The following PHKB variants were observed in gnomAD, a reference collection of about 807,000 sequenced individuals.
PHKB encodes the protein phosphorylase kinase regulatory subunit beta, also known as phosphorylase b kinase regulatory subunit beta.
Under a neutral mutation model 152.1 loss-of-function variants are expected in PHKB, and 122 were observed. The ratio of observed to expected loss-of-function variants is 0.80; its 90% CI spans 0.69 to 0.93. The LOEUF is 0.93. Among genes scored for constraint, PHKB ranks in the 40% least tolerant of loss-of-function variants. PHKB has a pLI of 0.00. For missense variants in PHKB, 1,304 were observed against 1,328.4 expected (o/e 0.98, Z 0.29); for synonymous variants, 436 against 464.9 (o/e 0.94, Z 0.80).
Position 47,589,011 on chromosome 16 carries a change from G to A in PHKB, c.977G>A (p.Gly326Glu). The change falls in exon 10 of 31, where the codon GGA (glycine) becomes GAA (glutamate). Residue 326 changes from glycine to glutamate, a missense_variant. Physicochemically the swap from Gly to Glu is moderately conservative, Grantham distance 98. Coordinates refer to ENST00000323584, the MANE Select transcript of PHKB (RefSeq NM_000293.3). The stretch of plus-strand genomic sequence containing the variant: ...GATAAAGTGGTTAGAAAATTAAAAG[G>A]AAAATATGGATTTAAACGTTTCTTG... ...TLDKVVRKLK[G>E]KYGFKRFLRD... 6.2e-7 allele frequency: 1 copy of A among 1,613,760 alleles called. No homozygotes were observed. The highest frequency in any genetic ancestry group is 1.1e-5 in the South Asian group (1 of 91,072).
intron 25 of PHKB, chr16:47,665,935 C>G: frequency 6.2e-7 from 1 of 1,607,008 alleles, no homozygotes; most frequent in East Asian, 2.2e-5. Context: ...CTCTTCTTTG[C>G]CCCCAGGTCG....
chr16:47,634,721 A>G (rs1212855419), intron 14 of PHKB, among the ~76,000 whole-genome samples: 1 of 152,176 alleles, frequency 6.6e-6, no homozygotes, highest in Admixed American at 6.5e-5. Context: ...ATGGGAATAT[A>G]GTTGGTATGT....
At chr16:47,597,651 A>G (rs1293618698) in intron 13 of PHKB, among the ~76,000 whole-genome samples, 1 of 149,390 alleles carries the variant, frequency 6.7e-6, no homozygotes, top group Admixed American at 6.6e-5. Context: ...GGAAAGACAC[A>G]TGAAATAGTT....
At chr16:47,655,289 A>G (rs1048385128) in intron 20 of PHKB, among the ~76,000 whole-genome samples, 6 of 152,212 alleles carry the variant, frequency 3.9e-5, no homozygotes, top group African/African-American at 1.2e-4. Context: ...GTACACCAAA[A>G]TACATTTCAG....
chr16:47,559,643 TA>T (rs1330340831), intron 7 of PHKB, among the ~76,000 whole-genome samples: 13 of 152,120 alleles, frequency 8.5e-5, no homozygotes, highest in African/African-American at 2.9e-4. Flanking sequence ...ATAGGCTTCC[TA>T]ACAGCATGGT....
chr16:47,515,426 A>G, intron 5 of PHKB, 95 bp from the exon 6 acceptor site: 5 of 731,344 alleles, frequency 6.8e-6, no homozygotes, highest in Non-Finnish European at 1.3e-5. Context: ...TGACACTATT[A>G]GAGCAAATGA....
chr16:47,600,121 G>A (rs1972195794), intron 13 of PHKB, among the ~76,000 whole-genome samples: 1 of 152,102 alleles, frequency 6.6e-6, no homozygotes, highest in African/African-American at 2.4e-5. Flanking sequence ...GTATCTCAGT[G>A]AAGTCTAATA....
intron 8 of PHKB, 94 bp from the exon 9 acceptor site, chr16:47,587,574 T>C (rs1167539034): frequency 3.7e-6 from 3 of 817,818 alleles, no homozygotes; most frequent in East Asian, 5.1e-5. Context: ...GCAGACAATG[T>C]CAGTATTTTT....
At chr16:47,641,494 A>C (rs1166192822) in intron 15 of PHKB, 105 bp from the exon 16 acceptor site, 4 of 712,848 alleles carry the variant, frequency 5.6e-6, no homozygotes, top group Non-Finnish European at 1.0e-5. Context: ...CAAATTAATA[A>C]TGCCCTCCAA....
At chr16:47,684,148 C>T (rs1008586230) in intron 26 of PHKB, among the ~76,000 whole-genome samples, 1 of 151,284 alleles carries the variant, frequency 6.6e-6, no homozygotes, top group Non-Finnish European at 1.5e-5. Flanking sequence ...AGTTGGGCAA[C>T]ATGGCAAAAC....
At chr16:47,545,805 C>G (rs1971152038) in intron 6 of PHKB, among the ~76,000 whole-genome samples, 2 of 152,056 alleles carry the variant, frequency 1.3e-5, no homozygotes, top group South Asian at 4.1e-4. Context: ...ACTCTTTTTT[C>G]TCTAAATATC....
At chr16:47,642,864 C>T (rs866041421) in intron 16 of PHKB, among the ~76,000 whole-genome samples, 8 of 152,220 alleles carry the variant, frequency 5.3e-5, no homozygotes, top group African/African-American at 1.2e-4. Flanking sequence ...TTTAAACTCA[C>T]GCCCAGATGT....
chr16:47,695,657 C>G lies in PHKB; in HGVS notation c.2896-724C>G, dbSNP rs117267504. Among the ~76,000 whole-genome samples, 44 of 152,288 alleles carry G rather than the reference C, an allele frequency of 2.9e-4. No individual in the cohort carries two copies. The East Asian group carries it at 6.4e-3, about 22-fold the overall frequency. ...AACAAGTATGTCTCATCATTTCTGC[C>G]TCTCTGGTAATGATCTAGTCACCCC... is the stretch of plus-strand genomic sequence containing the variant. On this transcript the variant is annotated intron_variant, in intron 28 of 30. Transcript: ENST00000323584.
At position 47,582,131 on chromosome 16, in the gene PHKB, G is replaced by A. The variant is rs1182580008; in HGVS notation, c.774+1773G>A. On this transcript the variant is annotated intron_variant, in intron 8 of 30. Coordinates refer to ENST00000323584, the MANE Select transcript of PHKB (RefSeq NM_000293.3). ...GTTAACAGCAGTCTGGAAAGGTACA[G>A]GTCTTGCTAACCTGGCTTCTGTGAC... Among the ~76,000 whole-genome samples the A allele has an allele frequency of 2.0e-4, 30 of 152,234 alleles. 1 individual carries two copies. Among genetic ancestry groups the A allele is most frequent in the Admixed American group, 2.0e-3 (30 of 15,290 alleles).
chr16:47,528,888 G>T (rs1237755531), intron 6 of PHKB, among the ~76,000 whole-genome samples: 1 of 151,764 alleles, frequency 6.6e-6, no homozygotes, highest in Non-Finnish European at 1.5e-5. Flanking sequence ...TAGAGATGGG[G>T]TTTCACCATC....
intron 7 of PHKB, among the ~76,000 whole-genome samples, chr16:47,572,172 A>G (rs1971672097): frequency 6.6e-6 from 1 of 152,200 alleles, no homozygotes; most frequent in East Asian, 1.9e-4. Flanking sequence ...TGTGTGAGCA[A>G]GGACCCAAGA....
At chr16:47,526,273 G>T (rs1970765043) in intron 6 of PHKB, among the ~76,000 whole-genome samples, 1 of 152,074 alleles carries the variant, frequency 6.6e-6, no homozygotes, top group Non-Finnish European at 1.5e-5. Flanking sequence ...TCTGGGCATG[G>T]TGGCGGGCAC....
At chr16:47,627,658 T>C (rs780741528) in intron 14 of PHKB, among the ~76,000 whole-genome samples, 1 of 152,234 alleles carries the variant, frequency 6.6e-6, no homozygotes, top group Non-Finnish European at 1.5e-5. Context: ...TAAAGGACCA[T>C]TTTCTCCCAG....
intron 6 of PHKB, among the ~76,000 whole-genome samples, 196 bp from the exon 7 acceptor site, chr16:47,547,237 G>A (rs1400667277): frequency 6.6e-6 from 1 of 152,006 alleles, no homozygotes; most frequent in African/African-American, 2.4e-5. Context: ...GGCTGTCTTG[G>A]AATGGACCCC....
Sources: allele counts gnomAD v4.1 joint callset (sites outside exome capture counted in the v4.1 genomes callset), GRCh38; gene constraint gnomAD v4.1.1; transcripts MANE v1.5; gene names NCBI Gene and HGNC (gene_info 2026-07-23, HGNC 2026-07-21).